Variants in ZNF229 observed in about 807,000 individuals in gnomAD.
ZNF229 encodes the protein zinc finger protein 229.
Under a neutral mutation model 11.8 loss-of-function variants are expected in ZNF229, and 10 were observed. The ratio of observed to expected loss-of-function variants is 0.85; its 90% CI spans 0.52 to 1.44. The LOEUF (loss-of-function observed/expected upper bound fraction) is 1.44. Among genes scored for constraint, ZNF229 ranks in the 40% most tolerant of loss-of-function variants. ZNF229 has a pLI of 0.00. For missense variants in ZNF229, 1,045 were observed against 1,015.1 expected (o/e 1.03, Z -0.40); for synonymous variants, 368 against 374.8 (o/e 0.98, Z 0.21).
intron 4 of ZNF229, among the ~76,000 whole-genome samples, chr19:44,434,424 G>C (rs1347368446): frequency 6.6e-6 from 1 of 152,064 alleles, no homozygotes; most frequent in East Asian, 1.9e-4. Flanking sequence ...CCTCAACCAG[G>C]TGAGACCTCA....
chr19:44,428,283 A>G lies in ZNF229; in HGVS notation c.*20T>C. On this transcript the variant is annotated 3_prime_UTR_variant, in exon 6 of 6. Coordinates refer to ENST00000614049, the MANE Select transcript of ZNF229 (RefSeq NM_014518.4). ...ATGGATAGAAAGCTCTGAGTCCCAG[A>G]TGGAATCCTCTATGTACATCTACTT... 5.1e-6 allele frequency: 8 copies of G among 1,572,598 alleles called. No homozygotes were observed. The highest frequency in any genetic ancestry group is 6.9e-6 in the Non-Finnish European group (8 of 1,156,952).
At chr19:44,435,680 G>A (rs1169440768) in intron 4 of ZNF229, among the ~76,000 whole-genome samples, 2 of 152,190 alleles carry the variant, frequency 1.3e-5, no homozygotes, top group Non-Finnish European at 2.9e-5. Context: ...TCCAGGTACT[G>A]TATGCCATTC....
At chr19:44,432,124 T>C in intron 5 of ZNF229, 98 bp downstream of exon 5, 1 of 1,490,626 alleles carries the variant, frequency 6.7e-7, no homozygotes, top group Non-Finnish European at 8.9e-7. Context: ...CAGCTGAAAC[T>C]AAGAGTTCTA....
At position 44,428,812 on chromosome 19, in the gene ZNF229, T is replaced by C; in HGVS notation, c.1969A>G (p.Arg657Gly). ...QRVHTGEKPY[R>G]CQECGKGFRC... ...AAGCCCTTTCCGCACTCTTGGCATC[T>C]GTAAGGTTTCTCGCCTGTGTGGACT... The change falls in exon 6 of 6, where the codon AGA becomes GGA. Residue 657 changes from arginine (R) to glycine (G), a missense_variant. Arg to Gly is a moderately radical substitution (Grantham distance 125, BLOSUM62 -2). Transcript: ENST00000614049. 1 of 1,613,440 alleles carries C rather than the reference T, an allele frequency of 6.2e-7. No homozygotes were observed. The highest frequency in any genetic ancestry group is 8.5e-7 in the Non-Finnish European group (1 of 1,179,556).
intron 4 of ZNF229, among the ~76,000 whole-genome samples, chr19:44,440,016 T>C (rs950328583): frequency 2.0e-5 from 3 of 152,164 alleles, no homozygotes; most frequent in South Asian, 2.1e-4. Context: ...AACATCTCCA[T>C]GGGAGTCCCA....
At position 44,435,900 on chromosome 19, in the gene ZNF229, G is replaced by A. The variant is rs527470435; in HGVS notation, c.94-3534C>T. ...CAATGCCGCTGTGAAGTAGGCGGTG[G>A]CCAGATCACTCAGGGCCTCTTAGGC... On this transcript the variant is annotated intron_variant, in intron 4 of 5. Transcript: ENST00000614049. 1.2e-4 allele frequency among the ~76,000 whole-genome samples: 19 copies of A among 152,328 alleles called. No individual in the cohort carries two copies. The South Asian group carries it at 1.7e-3, about 13-fold the overall frequency.
intron 4 of ZNF229, among the ~76,000 whole-genome samples, chr19:44,439,671 T>C (rs1971874445): frequency 6.6e-6 from 1 of 152,118 alleles, no homozygotes; most frequent in African/African-American, 2.4e-5. Context: ...CTTGAACTTC[T>C]GGCCTCAGGT....
At chr19:44,431,056 G>A (rs1359736537) in intron 5 of ZNF229, among the ~76,000 whole-genome samples, 1 of 152,076 alleles carries the variant, frequency 6.6e-6, no homozygotes, top group Non-Finnish European at 1.5e-5. Context: ...AATGCAGGAA[G>A]CCCACACGGC....
intron 2 of ZNF229, among the ~76,000 whole-genome samples, 154 bp from the exon 3 acceptor site, chr19:44,443,178 A>G (rs1971946051): frequency 6.6e-6 from 1 of 152,202 alleles, no homozygotes; most frequent in African/African-American, 2.4e-5. Context: ...CTCATAGTCC[A>G]CAAAGCCAAG....
Position 44,430,230 on chromosome 19 carries a change from A to C in ZNF229, c.551T>G (p.Ile184Ser), listed in dbSNP as rs779834589. ...AAACGCTTTTGCCCAAGATCCTTGA[A>C]TGGGGATTGGTCTTATAGCTCTCCA... ...PAWRAIRPIP[I>S]QGSWAKAFVN... Residue 184 changes from isoleucine (I) to serine (S), a missense_variant, in exon 6 of 6, where the codon ATT becomes AGT. Physicochemically the swap from Ile to Ser is moderately radical, Grantham distance 142. Coordinates refer to ENST00000614049, the MANE Select transcript of ZNF229 (RefSeq NM_014518.4). The C allele has an allele frequency of 3.7e-6, 6 of 1,614,154 alleles. No homozygotes were observed. The South Asian group carries it at 6.6e-5, about 18-fold the overall frequency.
intron 5 of ZNF229, chr19:44,431,668 A>G (rs550749915): frequency 1.4e-6 from 1 of 724,928 alleles, no homozygotes. Context: ...CCCACAGGCA[A>G]GACAAGGGGT....
chr19:44,436,455 C>T (rs1221501955), intron 4 of ZNF229, among the ~76,000 whole-genome samples: 4 of 152,114 alleles, frequency 2.6e-5, no homozygotes, highest in Admixed American at 6.6e-5. Flanking sequence ...AATTCCAACA[C>T]CATTTTTTTA....
At position 44,441,072 on chromosome 19, in the gene ZNF229, G is replaced by A. The variant is rs140670697; in HGVS notation, c.93+1491C>T. On this transcript the variant is annotated intron_variant, in intron 4 of 5. Transcript: ENST00000614049. ...AGAGGATACTATAGCCAAGTCTTTG[G>A]CGTGGGGGAACAAAAAGACTGCATC... Among the ~76,000 whole-genome samples, 505 of 152,160 alleles carry A rather than the reference G, an allele frequency of 3.3e-3. 2 individuals carry two copies. The highest frequency in any genetic ancestry group is 0.012 in the African/African-American group (480 of 41,510).
At position 44,435,459 on chromosome 19, in the gene ZNF229, A is replaced by G. The variant is rs143682481; in HGVS notation, c.94-3093T>C. ...TGCAAGCTTCCAAGAGTCCTTTCCTACTGAAGTCACACAGATATGCTTAAT... is the reference window on the plus strand; with the variant it reads ...TGCAAGCTTCCAAGAGTCCTTTCCTGCTGAAGTCACACAGATATGCTTAAT... On this transcript the variant is annotated intron_variant, in intron 4 of 5. Transcript: ENST00000614049. 2.4e-3 allele frequency among the ~76,000 whole-genome samples: 371 copies of G among 152,304 alleles called. 1 individual carries two copies. The highest frequency in any genetic ancestry group is 8.7e-3 in the African/African-American group (360 of 41,582).
At chr19:44,439,480 G>A (rs887228688) in intron 4 of ZNF229, among the ~76,000 whole-genome samples, 1 of 152,070 alleles carries the variant, frequency 6.6e-6, no homozygotes, top group African/African-American at 2.4e-5. Flanking sequence ...GTCTCACTCT[G>A]TCGCCCAGGC....
rs1971691204 is a variant in ZNF229, at chr19:44,430,175, T to A, written c.606A>T (p.Arg202Ser). Residue 202 changes from arginine to serine, a missense_variant, in exon 6 of 6, where the codon AGA becomes AGT. Transcript: ENST00000614049. ...FVNQLGDVQE[R>S]CKNLDTEDTV... is the part of the protein sequence containing the mutation. ...TGTCTTCTGTGTCGAGATTTTTACATCTTTCTTGAACATCCCCTAACTGGT... is the reference window on the plus strand; with the variant it reads ...TGTCTTCTGTGTCGAGATTTTTACAACTTTCTTGAACATCCCCTAACTGGT... 6.2e-7 allele frequency: 1 copy of A among 1,614,000 alleles called. No homozygotes were observed. The highest frequency in any genetic ancestry group is 1.7e-5 in the Admixed American group (1 of 60,000).
At chr19:44,435,279 C>T (rs1184941458) in intron 4 of ZNF229, among the ~76,000 whole-genome samples, 1 of 152,102 alleles carries the variant, frequency 6.6e-6, no homozygotes, top group Non-Finnish European at 1.5e-5. Context: ...ATTGGCAGTT[C>T]CTAAAACCAG....
chr19:44,432,146 T>C (rs1434439515), intron 5 of ZNF229, 76 bp downstream of exon 5: 3 of 1,531,832 alleles, frequency 2.0e-6, no homozygotes, highest in East Asian at 2.3e-5. Flanking sequence ...AAAAATAGGA[T>C]TTAACCTGTG....
rs202140975 is a variant in ZNF229, at chr19:44,428,330, C to T, written c.2451G>A (p.Val817=). Residue 817 remains valine, a synonymous_variant, in exon 6 of 6, where the codon GTG becomes GTA. Transcript: ENST00000614049. ...YTSGLRNHQR[V]HLGENPYK Reference sequence around the variant, plus strand: ...ACTTATAAGGGTTCTCGCCTAAATGCACTCTTTGGTGGTTCCGCAGACCTG... The same window carrying T: ...ACTTATAAGGGTTCTCGCCTAAATGTACTCTTTGGTGGTTCCGCAGACCTG... 8.1e-5 allele frequency: 131 copies of T among 1,612,650 alleles called. No homozygotes were observed. The African/African-American group carries it at 1.4e-3, about 17-fold the overall frequency.
Sources: allele counts gnomAD v4.1 joint callset (sites outside exome capture counted in the v4.1 genomes callset), GRCh38; gene constraint gnomAD v4.1.1; transcripts MANE v1.5; gene names NCBI Gene and HGNC (gene_info 2026-07-23, HGNC 2026-07-21).